KIAA1328: variants seen among roughly 807,000 people sequenced by gnomAD.
The protein encoded by KIAA1328 is KIAA1328.
Under a neutral mutation model 68.1 loss-of-function variants are expected in KIAA1328, and 52 were observed. The ratio of observed to expected loss-of-function variants is 0.76; its 90% confidence interval spans 0.61 to 0.96. The LOEUF is 0.96. Ranked by LOEUF, KIAA1328 falls within the 40% of genes least tolerant of loss-of-function variation. KIAA1328 has a pLI of 0.00. For synonymous variants in KIAA1328, 232 were observed against 239.4 expected (o/e 0.97, Z 0.28); for missense variants, 641 against 677.6 (o/e 0.95, Z 0.60).
intron 6 of KIAA1328, among the ~76,000 whole-genome samples, chr18:36,978,334 G>A (rs1447077170): frequency 1.3e-5 from 2 of 152,164 alleles, no homozygotes; most frequent in Non-Finnish European, 2.9e-5. Context: ...ACTCCCAGAG[G>A]GAAAACAGAT....
intron 7 of KIAA1328, among the ~76,000 whole-genome samples, chr18:37,093,797 A>C (rs1568394880): frequency 6.6e-6 from 1 of 152,228 alleles, no homozygotes; most frequent in Non-Finnish European, 1.5e-5. Context: ...AGGAAGCCCT[A>C]AGTTCCCCAA....
intron 9 of KIAA1328, among the ~76,000 whole-genome samples, chr18:37,175,704 G>A (rs775457901): frequency 2.6e-5 from 4 of 152,108 alleles, no homozygotes; most frequent in Admixed American, 6.6e-5. Context: ...TCAAAGTGTA[G>A]AAAAGACATT....
chr18:36,918,581 T>C (rs1459144758), intron 5 of KIAA1328, among the ~76,000 whole-genome samples: 1 of 151,712 alleles, frequency 6.6e-6, no homozygotes, highest in Non-Finnish European at 1.5e-5. Flanking sequence ...CCTGGCTAAC[T>C]GTTTTGTATT....
At chr18:36,989,503 T>TA (rs1193237987) in intron 6 of KIAA1328, among the ~76,000 whole-genome samples, 1 of 152,116 alleles carries the variant, frequency 6.6e-6, no homozygotes, top group African/African-American at 2.4e-5. Flanking sequence ...TCTAATTTTT[T>TA]AAAAAAATTC....
intron 7 of KIAA1328, among the ~76,000 whole-genome samples, chr18:37,154,571 G>T (rs1052401063): frequency 2.0e-5 from 3 of 151,982 alleles, no homozygotes; most frequent in African/African-American, 7.3e-5. Flanking sequence ...CCATCATTCT[G>T]TGAGATCCCA....
chr18:36,980,375 GT>G (rs2052635438), intron 6 of KIAA1328, among the ~76,000 whole-genome samples: 1 of 152,100 alleles, frequency 6.6e-6, no homozygotes, highest in Non-Finnish European at 1.5e-5. Flanking sequence ...GGTGGGGCTG[GT>G]CAGGGTCCAT....
chr18:37,105,710 G>A (rs1477256743), intron 7 of KIAA1328, among the ~76,000 whole-genome samples: 2 of 151,248 alleles, frequency 1.3e-5, no homozygotes, highest in African/African-American at 4.8e-5. Context: ...CAGATCACTT[G>A]AGGTCAGGAG....
At chr18:36,869,122 T>G (rs2047857651) in intron 4 of KIAA1328, among the ~76,000 whole-genome samples, 1 of 151,614 alleles carries the variant, frequency 6.6e-6, no homozygotes, top group South Asian at 2.1e-4. Context: ...TATACAATAC[T>G]GTTTATAATG....
intron 6 of KIAA1328, among the ~76,000 whole-genome samples, chr18:36,976,570 G>A (rs2052481333): frequency 6.6e-6 from 1 of 152,036 alleles, no homozygotes; most frequent in Non-Finnish European, 1.5e-5. Flanking sequence ...GTAGAGAGAA[G>A]GAGGGAAGAA....
At chr18:36,840,805 T>G (rs140202815) in intron 3 of KIAA1328, among the ~76,000 whole-genome samples, 2 of 152,288 alleles carry the variant, frequency 1.3e-5, no homozygotes, top group East Asian at 3.9e-4. Context: ...TTGAGTATCC[T>G]TAATTCATTA....
At chr18:37,035,381 G>A (rs1444354664) in intron 6 of KIAA1328, among the ~76,000 whole-genome samples, 2 of 152,176 alleles carry the variant, frequency 1.3e-5, no homozygotes, top group Admixed American at 1.3e-4. Flanking sequence ...CCAGATATAT[G>A]CATTTTAGCA....
At chr18:37,139,918 A>G (rs1485051076) in intron 7 of KIAA1328, among the ~76,000 whole-genome samples, 1 of 152,202 alleles carries the variant, frequency 6.6e-6, no homozygotes, top group African/African-American at 2.4e-5. Flanking sequence ...CATTTTACTG[A>G]GCCATTTAGT....
intron 6 of KIAA1328, among the ~76,000 whole-genome samples, chr18:37,041,730 A>G (rs1035910991): frequency 1.3e-5 from 2 of 151,652 alleles, no homozygotes; most frequent in Admixed American, 6.6e-5. Context: ...GGTGCTTCTA[A>G]AAATCATTGC....
chr18:36,880,726 A>T (rs556952523), intron 4 of KIAA1328, among the ~76,000 whole-genome samples: 1 of 152,016 alleles, frequency 6.6e-6, no homozygotes, highest in South Asian at 2.1e-4. Flanking sequence ...TTAAAAAAAG[A>T]TTCTTTTTAT....
intron 6 of KIAA1328, among the ~76,000 whole-genome samples, chr18:37,059,873 G>A (rs868764957): frequency 8.5e-5 from 13 of 152,096 alleles, no homozygotes; most frequent in African/African-American, 3.1e-4. Flanking sequence ...AAAAGGATGA[G>A]TTAATGTCCT....
At chr18:36,958,502 A>G (rs1418102875) in intron 5 of KIAA1328, among the ~76,000 whole-genome samples, 1 of 152,126 alleles carries the variant, frequency 6.6e-6, no homozygotes, top group South Asian at 2.1e-4. Flanking sequence ...TATCCTTGTC[A>G]GTGCTTGTTT....
At chr18:37,225,545 C>T (rs991948614), downstream of KIAA1328, among the ~76,000 whole-genome samples, 11 of 152,196 alleles carry the variant, frequency 7.2e-5, no homozygotes, top group East Asian at 1.9e-3. Context: ...ACTCACATCA[C>T]GTGAACACCA....
intron 5 of KIAA1328, among the ~76,000 whole-genome samples, chr18:36,941,073 G>A (rs182594685): frequency 6.6e-6 from 1 of 152,084 alleles, no homozygotes; most frequent in African/African-American, 2.4e-5. Flanking sequence ...TCAGTTGGAC[G>A]TTTACTCACC....
intron 6 of KIAA1328, among the ~76,000 whole-genome samples, chr18:37,054,388 A>G (rs1300620547): frequency 6.6e-6 from 1 of 152,200 alleles, no homozygotes; most frequent in Non-Finnish European, 1.5e-5. Context: ...ACTATTCACA[A>G]TAGCAAAGGT....
Sources: allele counts gnomAD v4.1 joint callset (sites outside exome capture counted in the v4.1 genomes callset), GRCh38; gene constraint gnomAD v4.1.1; transcripts MANE v1.5; gene names NCBI Gene and HGNC (gene_info 2026-07-23, HGNC 2026-07-21).